Variants in ARHGEF10L observed in about 807,000 individuals in gnomAD.
ARHGEF10L encodes the protein Rho guanine nucleotide exchange factor 10 like.
A neutral mutation model predicts 141.2 loss-of-function variants in ARHGEF10L; 69 were observed. That is an observed-to-expected ratio of 0.49 (90% CI 0.40 to 0.60). ARHGEF10L has a LOEUF of 0.60. Among genes scored for constraint, ARHGEF10L ranks in the 20% least tolerant of loss-of-function variants. The pLI is 0.00. For synonymous variants in ARHGEF10L, 711 were observed against 718.5 expected, an observed-to-expected ratio of 0.99 and a Z score of 0.17; for missense variants, 1,482 against 1,734.3, an observed-to-expected ratio of 0.85 and a Z score of 2.58.
At position 17,687,507 on chromosome 1, in the gene ARHGEF10L, G is replaced by A. The variant is rs898065714; in HGVS notation, c.3010-66G>A. The A allele has an allele frequency of 1.1e-5, 18 of 1,571,344 alleles. No homozygotes were observed. The African/African-American group carries it at 2.0e-4, about 18-fold the overall frequency. ...TGTGAGAATGGCTGGCCCAGGGGTG[G>A]GGGCTTGTAGGGAGGCTCAGCTGGC... On this transcript the variant is annotated intron_variant, in intron 26 of 28. Coordinates refer to ENST00000361221, the MANE Select transcript of ARHGEF10L (RefSeq NM_018125.4).
chr1:17,686,808 A>G (rs1409518029), intron 26 of ARHGEF10L, among the ~76,000 whole-genome samples: 2 of 152,058 alleles, frequency 1.3e-5, no homozygotes. Flanking sequence ...TTTTTTAAAA[A>G]AGTTTTTATT....
chr1:17,536,417 C>T (rs576863532), upstream of ARHGEF10L, among the ~76,000 whole-genome samples: 1 of 152,162 alleles, frequency 6.6e-6, no homozygotes, highest in East Asian at 1.9e-4. Context: ...GCGGAGGTTG[C>T]GGTGAGCTGA....
rs190755778 is a variant in ARHGEF10L, at chr1:17,639,177, C to T, written c.2171+488C>T. Among the ~76,000 whole-genome samples, 2 of 152,308 alleles carry T rather than the reference C, an allele frequency of 1.3e-5. No homozygotes were observed. Among genetic ancestry groups the T allele is most frequent in the East Asian group, 1.9e-4 (1 of 5,182 alleles). On this transcript the variant is annotated intron_variant, in intron 20 of 28. Transcript: ENST00000361221. The surrounding 1 kb of genome is among the most constrained non-coding windows in gnomAD (Gnocchi z 4.3). ...TGCTCGGCCTGGCAGAGACAGGGAA[C>T]GGGATCTTTCTGGTCCTCCTGAGGC...
chr1:17,611,231 T>C (rs983211965), intron 7 of ARHGEF10L, among the ~76,000 whole-genome samples: 3 of 152,218 alleles, frequency 2.0e-5, no homozygotes, highest in Non-Finnish European at 4.4e-5. Flanking sequence ...TTTTATTATG[T>C]GAAACTATTT....
chr1:17,632,384 G>A lies in ARHGEF10L; in HGVS notation c.1648G>A (p.Asp550Asn). The change falls in exon 16 of 29, where the codon GAC becomes AAC. Residue 550 changes from aspartate to asparagine, a missense_variant. Asp to Asn is a conservative substitution (Grantham distance 23). Around this residue, in one of 3 missense-constraint regions of ARHGEF10L, gnomAD observed 392 missense variants for 542.1 expected, o/e 0.72. Transcript: ENST00000361221. ...CETLTETVYG[D>N]RGQLIKSKER... is the part of the protein sequence containing the mutation. ...GACGTTGACGGAGACCGTGTACGGTGACCGCGGGCAGCTAATTAAGTCCAA... is the reference window on the plus strand; with the variant it reads ...GACGTTGACGGAGACCGTGTACGGTAACCGCGGGCAGCTAATTAAGTCCAA... The A allele has an allele frequency of 1.2e-6, 2 of 1,614,176 alleles. No homozygotes were observed. Among genetic ancestry groups the A allele is most frequent in the Non-Finnish European group, 1.7e-6 (2 of 1,180,040 alleles).
chr1:17,630,724 C>T (rs556944996), intron 15 of ARHGEF10L, among the ~76,000 whole-genome samples: 6 of 152,356 alleles, frequency 3.9e-5, no homozygotes, highest in South Asian at 2.1e-4. Context: ...CCTCAAGGAC[C>T]GCTGAGCTGA....
chr1:17,696,414 C>G (rs189409001), intron 28 of ARHGEF10L, among the ~76,000 whole-genome samples: 1 of 152,142 alleles, frequency 6.6e-6, no homozygotes, highest in Non-Finnish European at 1.5e-5. Context: ...GCTCGGGTGA[C>G]AGGTGCTGGG....
rs1007315071 is a variant in ARHGEF10L, at chr1:17,654,525, C to T, written c.2395-111C>T. 7 of 942,312 alleles carry T rather than the reference C, an allele frequency of 7.4e-6. No homozygotes were observed. In the Admixed American group the frequency reaches 8.5e-5, roughly 11 times the overall value. 58.4% of individuals were successfully genotyped at this position (942,312 alleles called of 1,614,324 possible). ...AGCATGTTGCTTTCCTGGCCCCCAC[C>T]CACAGGGATTCTAATCCAGGGAGAG... On this transcript the variant is annotated intron_variant, in intron 22 of 28. Transcript: ENST00000361221. This position sits in a 1 kb window ranked among gnomAD's most constrained non-coding sequence, Gnocchi z 4.3.
At chr1:17,515,880 G>A in the ARHGEF10L span, among the ~76,000 whole-genome samples, 1 of 152,184 alleles carries the variant, frequency 6.6e-6, no homozygotes, top group Admixed American at 6.6e-5. Context: ...GGACTCAAGA[G>A]ATCTGCCCGC....
chr1:17,605,447 G>A (rs1306726220), intron 6 of ARHGEF10L, among the ~76,000 whole-genome samples: 1 of 152,166 alleles, frequency 6.6e-6, no homozygotes, highest in Non-Finnish European at 1.5e-5. Context: ...AAGCATGAGG[G>A]GACCCTTATG....
At chr1:17,581,831 G>A (rs1051449014) in intron 2 of ARHGEF10L, among the ~76,000 whole-genome samples, 1 of 149,624 alleles carries the variant, frequency 6.7e-6, no homozygotes, top group African/African-American at 2.5e-5. Flanking sequence ...CTGCACCCCT[G>A]GGAGAGCCAA....
At chr1:17,678,775 C>T (rs2063887613) in intron 26 of ARHGEF10L, among the ~76,000 whole-genome samples, 1 of 152,176 alleles carries the variant, frequency 6.6e-6, no homozygotes, top group Non-Finnish European at 1.5e-5. Context: ...CAGGTCAGGA[C>T]AGCGTTCTCT....
intron 1 of ARHGEF10L, among the ~76,000 whole-genome samples, chr1:17,544,211 TC>T (rs1235637581): frequency 1.3e-5 from 2 of 150,780 alleles, no homozygotes; most frequent in African/African-American, 4.9e-5. Flanking sequence ...CCTCAGCCTC[TC>T]AAAGTGCTGG....
intron 4 of ARHGEF10L, among the ~76,000 whole-genome samples, chr1:17,598,058 T>C (rs2080285292): frequency 6.6e-6 from 1 of 152,154 alleles, no homozygotes; most frequent in Non-Finnish European, 1.5e-5. Context: ...TTTGGGCTGC[T>C]GTAAGACAAT....
chr1:17,686,117 G>A (rs1230927793), intron 26 of ARHGEF10L, among the ~76,000 whole-genome samples: 1 of 103,726 alleles, frequency 9.6e-6, no homozygotes, highest in Middle Eastern at 3.8e-3. Context: ...TTTTTTTTTT[G>A]CATTTTCTGT....
intron 2 of ARHGEF10L, among the ~76,000 whole-genome samples, chr1:17,587,228 GCACACT>G (rs2079096655): frequency 1.3e-5 from 2 of 152,194 alleles, no homozygotes. Context: ...CGCCCTGGGA[GCACACT>G]CCCTTCCCTC....
rs1011175899 is a variant in ARHGEF10L at position 17,607,133 on chromosome 1, C to T, written c.434-669C>T. Among the ~76,000 whole-genome samples, 1 of 152,150 alleles carries T rather than the reference C, an allele frequency of 6.6e-6. No individual in the cohort carries two copies. The highest frequency in any genetic ancestry group is 1.5e-5 in the Non-Finnish European group (1 of 68,028). On this transcript the variant is annotated intron_variant, in intron 6 of 28. Coordinates refer to ENST00000361221, the MANE Select transcript of ARHGEF10L (RefSeq NM_018125.4). This position sits in a 1 kb window ranked among gnomAD's most constrained non-coding sequence, Gnocchi z 4.5. Reference sequence around the variant, plus strand: ...TTCCTGAGGATGCTGAGGGCCTGAGCCAGGACTTGGCTCCGGGTCTTCTCT... The same window carrying T: ...TTCCTGAGGATGCTGAGGGCCTGAGTCAGGACTTGGCTCCGGGTCTTCTCT...
Position 17,697,686 on chromosome 1 carries a change from C to T in ARHGEF10L, c.*306C>T, listed in dbSNP as rs2065604836. ...ATCACTTGTTTGGGCCCTAGCGGGA[C>T]TCCAAGGCAGCCACACGCCCCTCCT... On this transcript the variant is annotated 3_prime_UTR_variant, in exon 29 of 29. Coordinates refer to ENST00000361221, the MANE Select transcript of ARHGEF10L (RefSeq NM_018125.4). This position sits in a 1 kb window ranked among gnomAD's most constrained non-coding sequence, Gnocchi z 4.8. 1.8e-6 allele frequency: 1 copy of T among 549,704 alleles called. No individual in the cohort carries two copies. Among genetic ancestry groups the T allele is most frequent in the African/African-American group, 1.9e-5 (1 of 53,756 alleles). 34.1% of individuals were successfully genotyped at this position (549,704 alleles called of 1,614,324 possible). A position where few individuals can be genotyped will look rare whatever the true frequency, so the allele number is the denominator to read the frequency against.
Position 17,664,898 on chromosome 1 carries a change from TACCCAGG to T in ARHGEF10L, c.3009+306_3009+312del, listed in dbSNP as rs2062871942. Among the ~76,000 whole-genome samples the T allele has an allele frequency of 3.3e-5, 5 of 152,284 alleles. No homozygotes were observed. In the South Asian group the frequency reaches 1.0e-3, roughly 32 times the overall value. On this transcript the variant is annotated intron_variant, in intron 26 of 28. Transcript: ENST00000361221. ...ATTGGGGTCCCTGTCCTTGGACTGGTACCCAGGACTTGTACCCACAGAGCCCGGGCAA... is the reference window on the plus strand; with the variant it reads ...ATTGGGGTCCCTGTCCTTGGACTGGTACTTGTACCCACAGAGCCCGGGCAA...
Sources: allele counts gnomAD v4.1 joint callset (sites outside exome capture counted in the v4.1 genomes callset), GRCh38; gene constraint gnomAD v4.1.1; regional missense constraint gnomAD v4.1.1; non-coding constraint Gnocchi (gnomAD v3.1); transcripts MANE v1.5; gene names NCBI Gene and HGNC (gene_info 2026-07-23, HGNC 2026-07-21).